The following DYM variants were observed in gnomAD, a reference collection of about 807,000 sequenced individuals.
DYM encodes the protein dyggve-Melchior-Clausen syndrome protein.
DYM carries 78 observed loss-of-function variants against 93.1 expected under a neutral mutation model. The ratio of observed to expected loss-of-function variants is 0.84; its 90% CI spans 0.70 to 1.01. The LOEUF (loss-of-function observed/expected upper bound fraction) is 1.01, where lower values mean the gene tolerates loss of function less well. Among genes scored for constraint, DYM ranks in the 50% least tolerant of loss-of-function variants. The probability of loss-of-function intolerance (pLI) is 0.00; values close to 1 mark genes in which losing one functional copy is unlikely to be tolerated. For synonymous variants in DYM, 321 were observed against 319.7 expected, an observed-to-expected ratio of 1.00 and a Z score of -0.04; for missense variants, 789 against 845.0, an observed-to-expected ratio of 0.93 and a Z score of 0.82.
intron 3 of DYM, 29 bp from the exon 4 acceptor site, chr18:49,379,787 T>A: frequency 6.4e-7 from 1 of 1,552,700 alleles, no homozygotes; most frequent in Non-Finnish European, 8.9e-7. Context: ...TTTTAAAAAG[T>A]TAAATTTAAG....
intron 17 of DYM, among the ~76,000 whole-genome samples, chr18:49,072,129 G>T (rs777005942): frequency 6.6e-6 from 1 of 152,140 alleles, no homozygotes; most frequent in Non-Finnish European, 1.5e-5. Flanking sequence ...TTAAACATAT[G>T]AACTAGATTA....
chr18:49,084,509 G>A (rs1213828301), intron 17 of DYM, among the ~76,000 whole-genome samples: 3 of 152,104 alleles, frequency 2.0e-5, no homozygotes. Context: ...TATTCTTGCT[G>A]TCTTTCTATC....
chr18:49,324,008 G>A (rs1311129204), intron 8 of DYM, among the ~76,000 whole-genome samples: 1 of 151,886 alleles, frequency 6.6e-6, no homozygotes, highest in African/African-American at 2.4e-5. Context: ...GGTGGCAGGT[G>A]CCTATAATCC....
chr18:49,109,963 T>C (rs1415826011), intron 16 of DYM, among the ~76,000 whole-genome samples: 1 of 152,230 alleles, frequency 6.6e-6, no homozygotes, highest in Non-Finnish European at 1.5e-5. Flanking sequence ...TACTTTTATA[T>C]GTTATAAACC....
intron 8 of DYM, among the ~76,000 whole-genome samples, chr18:49,304,675 C>T (rs1182843617): frequency 2.0e-5 from 3 of 152,160 alleles, no homozygotes; most frequent in Non-Finnish European, 4.4e-5. Context: ...ATCCCAGCTA[C>T]CTTGAAATAG....
intron 1 of DYM, among the ~76,000 whole-genome samples, chr18:49,455,353 C>A (rs544520804): frequency 3.3e-5 from 5 of 152,182 alleles, no homozygotes; most frequent in Non-Finnish European, 7.3e-5. Flanking sequence ...ACATCCTTCT[C>A]CTTGTCCATC....
At chr18:49,063,619 C>CTTT (rs67482709) in intron 17 of DYM, among the ~76,000 whole-genome samples, 14 of 71,942 alleles carry the variant, frequency 1.9e-4, no homozygotes, top group African/African-American at 2.5e-4. Flanking sequence ...CTTTCTCTCT[C>CTTT]TTTTTTTTTT....
At chr18:49,142,771 C>G (rs1480829895) in intron 15 of DYM, among the ~76,000 whole-genome samples, 1 of 152,144 alleles carries the variant, frequency 6.6e-6, no homozygotes, top group Non-Finnish European at 1.5e-5. Context: ...CTGGGCATCA[C>G]TTACCAGTTA....
chr18:49,194,391 C>T (rs2032252), intron 14 of DYM, among the ~76,000 whole-genome samples: 118,090 of 151,812 alleles, frequency 0.78, 46,057 homozygotes, highest in Non-Finnish European at 0.81. Context: ...CCTTCACCAA[C>T]GCAATCTACA....
At chr18:49,236,148 A>C (rs76944449) in intron 13 of DYM, among the ~76,000 whole-genome samples, 1 of 152,188 alleles carries the variant, frequency 6.6e-6, no homozygotes, top group Non-Finnish European at 1.5e-5. Context: ...CTCTTATATG[A>C]GAATGGCCTG....
chr18:49,379,695 T>C lies in DYM; in HGVS notation c.257A>G (p.Lys86Arg). The change falls in exon 4 of 18, where the codon AAA becomes AGA. Residue 86 changes from lysine to arginine, a missense_variant. By Grantham distance (26) the Lys-to-Arg change is conservative. Coordinates refer to ENST00000675505, the MANE Select transcript of DYM (RefSeq NM_001353214.3). ...ALIKVFLSRT[K>R]ELKLSAECQN... The stretch of plus-strand genomic sequence containing the variant: ...ACATTCTGCTGAAAGTTTTAGTTCT[T>C]TGGTTCTAGAAAGGAAGACCTTAAT... 6.2e-7 allele frequency: 1 copy of C among 1,613,360 alleles called. No homozygotes were observed. The highest frequency in any genetic ancestry group is 1.1e-5 in the South Asian group (1 of 91,062).
Position 49,271,973 on chromosome 18 carries a change from G to GA in DYM, c.1251+204dup, listed in dbSNP as rs1316213322. 3.6e-5 allele frequency among the ~76,000 whole-genome samples: 5 copies of GA among 140,078 alleles called. No individual in the cohort carries two copies. In the South Asian group the frequency reaches 1.2e-3, roughly 33 times the overall value. 91.9% of individuals were successfully genotyped at this position (140,078 alleles called of 152,430 possible). On this transcript the variant is annotated intron_variant, in intron 11 of 17. Coordinates refer to ENST00000675505, the MANE Select transcript of DYM (RefSeq NM_001353214.3). Reference sequence around the variant, plus strand: ...ATCAATTACCAAAGAACCATTTTGAGAGAGTTTTTAATAGTGGTTAATAGT... The same window carrying GA: ...ATCAATTACCAAAGAACCATTTTGAGAAGAGTTTTTAATAGTGGTTAATAGT...
At chr18:49,309,901 C>T (rs571423295) in intron 8 of DYM, among the ~76,000 whole-genome samples, 1 of 152,106 alleles carries the variant, frequency 6.6e-6, no homozygotes, top group Non-Finnish European at 1.5e-5. Flanking sequence ...GGGTCGAAAT[C>T]AACCCTATCC....
In DYM at chr18:49,362,530, C is replaced by G. The variant is rs1187456224; in HGVS notation, c.494+631G>C. Reference sequence around the variant, plus strand: ...GTTCAGCAGCTCAATGACATCAAAACAGAATTTTCTGTAAGTCTCTTGGTT... The same window carrying G: ...GTTCAGCAGCTCAATGACATCAAAAGAGAATTTTCTGTAAGTCTCTTGGTT... On this transcript the variant is annotated intron_variant, in intron 6 of 17. Transcript: ENST00000675505. Among the ~76,000 whole-genome samples the G allele has an allele frequency of 3.3e-5, 5 of 152,146 alleles. No individual in the cohort carries two copies. In the East Asian group the frequency reaches 5.8e-4, roughly 18 times the overall value.
chr18:49,183,924 G>A (rs1012996551), intron 14 of DYM, among the ~76,000 whole-genome samples: 1 of 152,154 alleles, frequency 6.6e-6, no homozygotes, highest in African/African-American at 2.4e-5. Flanking sequence ...ACTAAGAAGA[G>A]GCCTTGTGAA....
At chr18:49,185,244 A>G (rs1202411025) in intron 14 of DYM, among the ~76,000 whole-genome samples, 1 of 152,234 alleles carries the variant, frequency 6.6e-6, no homozygotes, top group East Asian at 1.9e-4. Flanking sequence ...AGAAAATTAA[A>G]TGATTACTAT....
chr18:49,343,397 T>A (rs1403490743), intron 6 of DYM, among the ~76,000 whole-genome samples: 1 of 152,210 alleles, frequency 6.6e-6, no homozygotes, highest in East Asian at 1.9e-4. Flanking sequence ...GTTAGAATAC[T>A]CTCCCATCAA....
chr18:49,167,402 G>C (rs575969598), intron 14 of DYM, among the ~76,000 whole-genome samples: 1 of 152,276 alleles, frequency 6.6e-6, no homozygotes, highest in East Asian at 1.9e-4. Flanking sequence ...TGTAAGAATA[G>C]ATCATTTGAG....
intron 8 of DYM, among the ~76,000 whole-genome samples, chr18:49,329,298 G>A (rs572046928): frequency 5.0e-5 from 6 of 120,006 alleles, no homozygotes; most frequent in African/African-American, 1.5e-4. Flanking sequence ...GTGGGGGGGA[G>A]GGGGGAGGGA....
Sources: gnomAD v4.1 joint callset for allele counts (sites outside exome capture counted in the v4.1 genomes callset) on GRCh38, gnomAD v4.1.1 for gene constraint, MANE v1.5 for transcripts, NCBI Gene and HGNC (gene_info 2026-07-23, HGNC 2026-07-21) for gene names.